Variants in SGCD observed in about 807,000 individuals in gnomAD.
SGCD encodes the protein sarcoglycan delta, also known as delta-sarcoglycan.
In SGCD, 18 loss-of-function variants were observed where a neutral mutation model predicts 36.6. The ratio of observed to expected loss-of-function variants is 0.49; its 90% CI spans 0.34 to 0.73. SGCD has a LOEUF of 0.73. SGCD is among the 30% of genes least tolerant of loss of function. The pLI, the probability that SGCD is intolerant of heterozygous loss-of-function variation, is 0.01. For missense variants in SGCD, 387 were observed against 346.7 expected (o/e 1.12, Z -0.92); for synonymous variants, 133 against 130.6 (o/e 1.02, Z -0.12).
chr5:155,982,882 C>T (rs1444182635), intron 1 of SGCD, among the ~76,000 whole-genome samples: 1 of 152,146 alleles, frequency 6.6e-6, no homozygotes, highest in East Asian at 1.9e-4. Flanking sequence ...GTGGTTTTCT[C>T]TACTTAACAC....
At chr5:156,588,486 A>G (rs1205072269) in intron 4 of SGCD, among the ~76,000 whole-genome samples, 1 of 152,216 alleles carries the variant, frequency 6.6e-6, no homozygotes, top group East Asian at 1.9e-4. Context: ...ACATCCCATG[A>G]AGCCTGAAAT....
intron 3 of SGCD, among the ~76,000 whole-genome samples, chr5:156,423,249 ATATTATATTTTAT>A (rs1773451589): frequency 1.6e-5 from 2 of 123,800 alleles, no homozygotes; most frequent in African/African-American, 6.4e-5. Flanking sequence ...ATATTTTATA[ATATTATATTTTAT>A]TATAATATAA....
chr5:156,168,297 G>A (rs1257681232), intron 3 of SGCD, among the ~76,000 whole-genome samples: 1 of 151,930 alleles, frequency 6.6e-6, no homozygotes, highest in African/African-American at 2.4e-5. Context: ...CTAAGTGCTT[G>A]TAGAATTTGA....
intron 1 of SGCD, among the ~76,000 whole-genome samples, chr5:156,111,237 C>T (rs1163525970): frequency 6.6e-6 from 1 of 152,096 alleles, no homozygotes; most frequent in African/African-American, 2.4e-5. Flanking sequence ...TAAGACGAGA[C>T]AGAGAGTGAC....
At chr5:156,300,503 T>C (rs972434229) in intron 3 of SGCD, among the ~76,000 whole-genome samples, 2 of 152,136 alleles carry the variant, frequency 1.3e-5, no homozygotes, top group Non-Finnish European at 2.9e-5. Flanking sequence ...TTTTTTGGAA[T>C]GTTTTCAGAC....
At chr5:156,516,970 C>T (rs910420764) in intron 4 of SGCD, among the ~76,000 whole-genome samples, 4 of 152,144 alleles carry the variant, frequency 2.6e-5, no homozygotes, top group Admixed American at 2.6e-4. Flanking sequence ...TGTACTCTAG[C>T]CTGTGTGACA....
rs530357880 is a variant in SGCD at position 156,024,907 on chromosome 5, G to A, written c.-281-92971G>A. On this transcript the variant is annotated intron_variant, in intron 1 of 9. Transcript: ENST00000517913. ...CTGGAGGCAGAGGTTGCAGTGAGCC[G>A]AGATCGTGCCACTGCACTCCAGCCT... Among the ~76,000 whole-genome samples the A allele has an allele frequency of 7.3e-5, 11 of 150,816 alleles. No individual in the cohort carries two copies. In the South Asian group the frequency reaches 1.3e-3, roughly 17 times the overall value.
At chr5:155,981,713 C>G (rs1230814342) in intron 1 of SGCD, among the ~76,000 whole-genome samples, 2 of 152,166 alleles carry the variant, frequency 1.3e-5, no homozygotes, top group Non-Finnish European at 2.9e-5. Context: ...GGATGCTTTC[C>G]CATTCCTACA....
intron 1 of SGCD, among the ~76,000 whole-genome samples, chr5:155,925,163 A>G (rs540867738): frequency 4.3e-4 from 65 of 152,260 alleles, no homozygotes; most frequent in Non-Finnish European, 7.8e-4. Context: ...ACCTAGATAT[A>G]TTAATCTTCT....
intron 1 of SGCD, among the ~76,000 whole-genome samples, chr5:156,036,868 T>C (rs1288369560): frequency 6.6e-6 from 1 of 152,182 alleles, no homozygotes; most frequent in African/African-American, 2.4e-5. Context: ...CTGCAGTTAT[T>C]TGTTTAATAA....
intron 3 of SGCD, among the ~76,000 whole-genome samples, chr5:156,259,935 A>G (rs1185912513): frequency 6.6e-6 from 1 of 152,224 alleles, no homozygotes; most frequent in Non-Finnish European, 1.5e-5. Flanking sequence ...TCTAGCTTCC[A>G]CAGCTGTAAG....
chr5:156,321,389 C>T (rs1406291488), intron 3 of SGCD, among the ~76,000 whole-genome samples: 3 of 152,112 alleles, frequency 2.0e-5, no homozygotes, highest in South Asian at 2.1e-4. Context: ...CACTGCACTC[C>T]AGCCTGGGTG....
At chr5:156,006,545 T>C (rs1435797770) in intron 1 of SGCD, among the ~76,000 whole-genome samples, 1 of 152,190 alleles carries the variant, frequency 6.6e-6, no homozygotes, top group East Asian at 1.9e-4. Context: ...TCATTTCCCA[T>C]AGCTGAGAGC....
intron 4 of SGCD, among the ~76,000 whole-genome samples, chr5:156,512,034 G>T (rs997708869): frequency 6.6e-6 from 1 of 151,750 alleles, no homozygotes; most frequent in Non-Finnish European, 1.5e-5. Flanking sequence ...TCTCTACTAA[G>T]AATACAAAAA....
At chr5:156,282,709 TA>T (rs1193831967) in intron 3 of SGCD, among the ~76,000 whole-genome samples, 2 of 152,186 alleles carry the variant, frequency 1.3e-5, no homozygotes, top group African/African-American at 4.8e-5. Context: ...TATGTAGTCT[TA>T]AAAATTCTTT....
intron 1 of SGCD, among the ~76,000 whole-genome samples, chr5:156,048,775 G>A (rs1055203831): frequency 6.6e-6 from 1 of 152,018 alleles, no homozygotes; most frequent in Non-Finnish European, 1.5e-5. Flanking sequence ...TCTGTAGGTT[G>A]CCTGTTCACT....
At chr5:156,444,140 T>G (rs1255662066) in intron 3 of SGCD, among the ~76,000 whole-genome samples, 2 of 63,708 alleles carry the variant, frequency 3.1e-5, no homozygotes, top group East Asian at 6.4e-4. Context: ...CTCTCTCTCC[T>G]TCCCTTTCTC....
chr5:156,649,314 G>A (rs1763364090), intron 7 of SGCD, among the ~76,000 whole-genome samples: 2 of 151,898 alleles, frequency 1.3e-5, no homozygotes, highest in Non-Finnish European at 2.9e-5. Flanking sequence ...GATTCCTCAG[G>A]GATCTAGAAC....
intron 7 of SGCD, among the ~76,000 whole-genome samples, chr5:156,693,006 T>A (rs1241352351): frequency 1.3e-5 from 2 of 152,176 alleles, no homozygotes; most frequent in Non-Finnish European, 1.5e-5. Context: ...AAGACACTGC[T>A]ATCACAAGAC....
Sources: gnomAD v4.1 joint callset for allele counts (sites outside exome capture counted in the v4.1 genomes callset) on GRCh38, gnomAD v4.1.1 for gene constraint, MANE v1.5 for transcripts, NCBI Gene and HGNC (gene_info 2026-07-23, HGNC 2026-07-21) for gene names.